PROM1: variants seen among roughly 807,000 people sequenced by gnomAD.
PROM1 encodes the protein prominin-1.
Under a neutral mutation model 116.9 loss-of-function variants are expected in PROM1, and 105 were observed. The observed-to-expected ratio is 0.90, with a 90% confidence interval of 0.77 to 1.06. The LOEUF is 1.06. Among genes scored for constraint, PROM1 ranks in the 50% least tolerant of loss-of-function variants. PROM1 has a pLI of 0.00. For synonymous variants in PROM1, 393 were observed against 387.0 expected, an observed-to-expected ratio of 1.02 and a Z score of -0.18; for missense variants, 1,122 against 1,045.2, an observed-to-expected ratio of 1.07 and a Z score of -1.01.
intron 2 of PROM1, among the ~76,000 whole-genome samples, chr4:16,060,121 G>A (rs1020579744): frequency 3.3e-5 from 5 of 152,134 alleles, no homozygotes; most frequent in African/African-American, 1.2e-4. Flanking sequence ...AGGGAGGCGG[G>A]GGGCTGAGAA....
chr4:16,072,520 C>T (rs1273421612), intron 2 of PROM1, among the ~76,000 whole-genome samples: 1 of 152,226 alleles, frequency 6.6e-6, no homozygotes, highest in African/African-American at 2.4e-5. Flanking sequence ...TGCTTCTAAC[C>T]TCCAACCTAT....
At chr4:16,026,693 T>C (rs534281921) in intron 5 of PROM1, among the ~76,000 whole-genome samples, 1 of 152,318 alleles carries the variant, frequency 6.6e-6, no homozygotes, top group South Asian at 2.1e-4. Flanking sequence ...TATAAATACA[T>C]TCCAAGGAGC....
intron 2 of PROM1, among the ~76,000 whole-genome samples, chr4:16,060,430 C>A (rs1247136380): frequency 1.3e-5 from 2 of 152,034 alleles, no homozygotes; most frequent in African/African-American, 4.8e-5. Flanking sequence ...CCTCCCACTT[C>A]AGCCTCCCAA....
chr4:15,994,690 T>C (rs2149139466), intron 15 of PROM1, among the ~76,000 whole-genome samples: 1 of 152,308 alleles, frequency 6.6e-6, no homozygotes, highest in Non-Finnish European at 1.5e-5. Context: ...TTGACTTTTT[T>C]AGACTTGACT....
At chr4:16,056,475 T>C (rs1739044256) in intron 2 of PROM1, among the ~76,000 whole-genome samples, 1 of 151,992 alleles carries the variant, frequency 6.6e-6, no homozygotes, top group African/African-American at 2.4e-5. Flanking sequence ...ACAAAATCAA[T>C]AGTGTTCCCC....
intron 2 of PROM1, among the ~76,000 whole-genome samples, chr4:16,044,915 C>T (rs1218284023): frequency 1.3e-5 from 2 of 152,150 alleles, no homozygotes. Flanking sequence ...AGTGGTAAGT[C>T]TCTGGCTGTG....
chr4:16,038,408 G>A (rs896880808), intron 3 of PROM1, among the ~76,000 whole-genome samples: 4 of 152,036 alleles, frequency 2.6e-5, no homozygotes, highest in African/African-American at 9.7e-5. Flanking sequence ...TTATTTATTT[G>A]TTTATTTATT....
intron 2 of PROM1, among the ~76,000 whole-genome samples, chr4:16,061,381 A>G (rs1740278278): frequency 6.6e-6 from 1 of 152,214 alleles, no homozygotes; most frequent in Non-Finnish European, 1.5e-5. Context: ...CATGTGTACT[A>G]TTTAAGCTAT....
chr4:16,055,434 G>A, intron 2 of PROM1: 2 of 456,162 alleles, frequency 4.4e-6, no homozygotes, highest in Non-Finnish European at 8.8e-6. Flanking sequence ...TCCTATCTGG[G>A]CCTTTGTGTT....
chr4:15,981,536 C>A (rs1717952407), intron 23 of PROM1, among the ~76,000 whole-genome samples: 1 of 151,018 alleles, frequency 6.6e-6, no homozygotes, highest in Non-Finnish European at 1.5e-5. Context: ...TGCACCACTG[C>A]ACTCCAGCCT....
chr4:15,974,084 G>GAC (rs144157028), intron 26 of PROM1, among the ~76,000 whole-genome samples: 5 of 146,222 alleles, frequency 3.4e-5, no homozygotes, highest in African/African-American at 1.0e-4. Context: ...CACACATACA[G>GAC]ACACACACAC....
intron 12 of PROM1, among the ~76,000 whole-genome samples, chr4:16,007,377 C>T (rs1237369700): frequency 6.6e-6 from 1 of 152,240 alleles, no homozygotes; most frequent in Non-Finnish European, 1.5e-5. Flanking sequence ...GGGAGAACAA[C>T]CTTTCCCGGC....
intron 17 of PROM1, 85 bp downstream of exon 17, chr4:15,992,163 A>C: frequency 1.3e-6 from 2 of 1,541,456 alleles, no homozygotes; most frequent in Non-Finnish European, 1.8e-6. Flanking sequence ...ATCTCATCTT[A>C]ATAAAAAATC....
chr4:16,024,087 A>G (rs1730601344), intron 7 of PROM1, among the ~76,000 whole-genome samples: 1 of 152,218 alleles, frequency 6.6e-6, no homozygotes, highest in Non-Finnish European at 1.5e-5. Context: ...ATGAAAAAAC[A>G]AAAGGTCCTG....
chr4:15,994,043 CG>C lies in PROM1; in HGVS notation c.1710del (p.Tyr570Ter), dbSNP rs776808098. 2.5e-6 allele frequency: 4 copies of C among 1,613,762 alleles called. No homozygotes were observed. Among genetic ancestry groups the C allele is most frequent in the Non-Finnish European group, 3.4e-6 (4 of 1,179,856 alleles). ...AAGCTGTTCTGCAGGTGAAGAGTGC[CG>C]TAAGTGCCTCTATTTTTTTTGCAGT... ...YSDCKKNRGT[Y>X]GTLHLQNSFN... On this transcript the variant is annotated frameshift_variant, in exon 16 of 28. Coordinates refer to ENST00000447510, the MANE Select transcript of PROM1 (RefSeq NM_006017.3). LOFTEE classifies it high-confidence loss of function.
rs374224088 is a variant in PROM1 at position 16,018,303 on chromosome 4, G to A, written c.1002+20C>T. 4.3e-4 allele frequency: 688 copies of A among 1,608,232 alleles called. 1 individual carries two copies. Among genetic ancestry groups the A allele is most frequent in the Non-Finnish European group, 5.6e-4 (661 of 1,176,498 alleles). On this transcript the variant is annotated intron_variant, in intron 9 of 27. Coordinates refer to ENST00000447510, the MANE Select transcript of PROM1 (RefSeq NM_006017.3). ...CCCCAGCATGCAGCCCTTGACCATG[G>A]CAAGCTCATGCCTGCTCACCTGCCT...
In PROM1 at chr4:15,979,500, A is replaced by G. The variant is rs749611502; in HGVS notation, c.2514-37T>C. The G allele has an allele frequency of 3.8e-6, 6 of 1,581,954 alleles. No individual in the cohort carries two copies. In the East Asian group the frequency reaches 1.1e-4, roughly 30 times the overall value. On this transcript the variant is annotated intron_variant, in intron 25 of 27. Coordinates refer to ENST00000447510, the MANE Select transcript of PROM1 (RefSeq NM_006017.3). ...ATAAATACACCAAAAACACCATGTTATCTCTAAGATGAAGTATTTACATCA... is the reference window on the plus strand; with the variant it reads ...ATAAATACACCAAAAACACCATGTTGTCTCTAAGATGAAGTATTTACATCA...
At chr4:16,018,268 G>A in intron 9 of PROM1, 55 bp downstream of exon 9, 1 of 1,566,696 alleles carries the variant, frequency 6.4e-7, no homozygotes. Context: ...GCTTAGCCCT[G>A]CCCGGCAATC....
chr4:16,022,910 T>C lies in PROM1; in HGVS notation c.784+416A>G, dbSNP rs185879073. ...AGGTTCCTCGTCTTCTGTATCAGGG[T>C]CAACAAATTTTTCTATAAAAGGCCA... On this transcript the variant is annotated intron_variant, in intron 8 of 27. Transcript: ENST00000447510. Among the ~76,000 whole-genome samples the C allele has an allele frequency of 1.1e-3, 164 of 152,288 alleles. 1 individual carries two copies. The highest frequency in any genetic ancestry group is 3.7e-3 in the African/African-American group (155 of 41,558).
Sources: gnomAD v4.1 joint callset for allele counts (sites outside exome capture counted in the v4.1 genomes callset) on GRCh38, gnomAD v4.1.1 for gene constraint, MANE v1.5 for transcripts, NCBI Gene and HGNC (gene_info 2026-07-23, HGNC 2026-07-21) for gene names.